Variants in FGF7 observed in about 807,000 individuals in gnomAD.
FGF7 encodes FGF-7.
FGF7 carries 6 observed loss-of-function variants against 20.5 expected under a neutral mutation model. The ratio of observed to expected loss-of-function variants is 0.29; its 90% CI spans 0.16 to 0.58. The LOEUF is 0.58. Among genes scored for constraint, FGF7 ranks in the 20% least tolerant of loss-of-function variants. FGF7 has a pLI of 0.90. For missense variants in FGF7, 144 were observed against 228.8 expected (o/e 0.63, Z 2.39); for synonymous variants, 64 against 74.7 (o/e 0.86, Z 0.74).
At chr15:49,436,954 T>C (rs748285351) in intron 2 of FGF7, among the ~76,000 whole-genome samples, 1 of 151,602 alleles carries the variant, frequency 6.6e-6, no homozygotes, top group Non-Finnish European at 1.5e-5. Context: ...TACTCCAAGT[T>C]TCCTTGTACA....
At chr15:49,424,904 C>T (rs1264975711) in intron 2 of FGF7, 2 of 171,402 alleles carry the variant, frequency 1.2e-5, no homozygotes, top group African/African-American at 4.7e-5. Flanking sequence ...ATTGTCTAAG[C>T]AAAACTCATT....
chr15:49,439,549 T>C (rs1255489072), intron 2 of FGF7, among the ~76,000 whole-genome samples: 1 of 151,706 alleles, frequency 6.6e-6, no homozygotes, highest in African/African-American at 2.4e-5. Context: ...TTTAGTCAAG[T>C]TGAAATTCTA....
chr15:49,436,362 G>A (rs1294660154), intron 2 of FGF7, among the ~76,000 whole-genome samples: 1 of 151,558 alleles, frequency 6.6e-6, no homozygotes, highest in Non-Finnish European at 1.5e-5. Flanking sequence ...ATATTAAGGA[G>A]CAAGAAGTTC....
At chr15:49,433,595 A>T (rs1410940569) in intron 2 of FGF7, among the ~76,000 whole-genome samples, 1 of 151,718 alleles carries the variant, frequency 6.6e-6, no homozygotes, top group African/African-American at 2.4e-5. Flanking sequence ...CTAAAAAAAA[A>T]TGGCCTCCAG....
At chr15:49,437,144 T>C (rs1456676908) in intron 2 of FGF7, among the ~76,000 whole-genome samples, 1 of 151,590 alleles carries the variant, frequency 6.6e-6, no homozygotes, top group Non-Finnish European at 1.5e-5. Flanking sequence ...GAATGCATAA[T>C]AATAATTATC....
intron 2 of FGF7, among the ~76,000 whole-genome samples, chr15:49,432,315 A>C (rs2050687635): frequency 6.6e-6 from 1 of 151,696 alleles, no homozygotes. Flanking sequence ...TGAGATATTA[A>C]GGCTGTTTCC....
At chr15:49,468,237 AT>A (rs1405008254) in intron 2 of FGF7, among the ~76,000 whole-genome samples, 6 of 152,146 alleles carry the variant, frequency 3.9e-5, no homozygotes, top group African/African-American at 1.4e-4. Context: ...TGTTTGATTT[AT>A]TCCCTAATAA....
chr15:49,447,866 A>T (rs1462233955), intron 2 of FGF7, among the ~76,000 whole-genome samples: 1 of 151,722 alleles, frequency 6.6e-6, no homozygotes, highest in African/African-American at 2.4e-5. Flanking sequence ...AATAAACAAT[A>T]GGTTTGACTT....
intron 2 of FGF7, among the ~76,000 whole-genome samples, chr15:49,457,749 T>G (rs1043850645): frequency 6.6e-6 from 1 of 151,904 alleles, no homozygotes; most frequent in Admixed American, 6.6e-5. Context: ...GAGGCTTTAT[T>G]TAGTATATTT....
chr15:49,463,136 G>A (rs1215974161), intron 2 of FGF7, among the ~76,000 whole-genome samples: 3 of 152,178 alleles, frequency 2.0e-5, no homozygotes, highest in Admixed American at 6.5e-5. Context: ...GCCTCCATCA[G>A]CTCCTGCTTA....
intron 2 of FGF7, among the ~76,000 whole-genome samples, chr15:49,479,003 T>G (rs1341830914): frequency 6.6e-6 from 1 of 152,198 alleles, no homozygotes; most frequent in Non-Finnish European, 1.5e-5. Context: ...TTTCCCATTT[T>G]TCATTCCAAG....
chr15:49,481,829 C>A (rs902656204), intron 2 of FGF7, among the ~76,000 whole-genome samples: 1 of 152,076 alleles, frequency 6.6e-6, no homozygotes, highest in Non-Finnish European at 1.5e-5. Context: ...CTCAACTGGA[C>A]GAGCTCTGAC....
At position 49,438,886 on chromosome 15, in the gene FGF7, GAA is replaced by G. The variant is rs1035899112; in HGVS notation, c.286+14308_286+14309del. On this transcript the variant is annotated intron_variant, in intron 2 of 3. Transcript: ENST00000267843. ...GAGAAGGAAAGATAAGAGAGAGGGA[GAA>G]AAAAGAGAGAGAAAAAGAGAGAGAG... 2.1e-4 allele frequency among the ~76,000 whole-genome samples: 31 copies of G among 151,068 alleles called. 1 individual carries two copies.
In FGF7 at chr15:49,436,659, G is replaced by C. The variant is rs551291300; in HGVS notation, c.286+12076G>C. On this transcript the variant is annotated intron_variant, in intron 2 of 3. Coordinates refer to ENST00000267843, the MANE Select transcript of FGF7 (RefSeq NM_002009.4). The stretch of plus-strand genomic sequence containing the variant: ...GGCAGACTTATGCTCATTTGCAGAT[G>C]GGGGAGATTTGGCTCACAGAATTAA... 3.3e-5 allele frequency among the ~76,000 whole-genome samples: 5 copies of C among 150,110 alleles called. No homozygotes were observed. In the East Asian group the frequency reaches 9.7e-4, roughly 29 times the overall value.
intron 2 of FGF7, among the ~76,000 whole-genome samples, chr15:49,449,362 T>C (rs1161607795): frequency 3.3e-5 from 5 of 152,134 alleles, no homozygotes; most frequent in Non-Finnish European, 5.9e-5. Context: ...ACAGTGATTT[T>C]AGTATATAAA....
intron 2 of FGF7, among the ~76,000 whole-genome samples, chr15:49,461,030 T>C (rs993863652): frequency 7.2e-5 from 11 of 152,186 alleles, no homozygotes; most frequent in Non-Finnish European, 1.0e-4. Context: ...AGCCTTCCCC[T>C]GAAAATACTA....
At chr15:49,469,103 A>C (rs2151956916) in intron 2 of FGF7, among the ~76,000 whole-genome samples, 1 of 152,346 alleles carries the variant, frequency 6.6e-6, no homozygotes, top group South Asian at 2.1e-4. Flanking sequence ...AAGAAAATAA[A>C]TGACTCATAA....
At chr15:49,453,212 T>A (rs1000028952) in intron 2 of FGF7, among the ~76,000 whole-genome samples, 5 of 152,094 alleles carry the variant, frequency 3.3e-5, no homozygotes, top group African/African-American at 1.2e-4. Flanking sequence ...ATGTTCTGTT[T>A]AATCTAATAC....
chr15:49,458,617 A>T (rs886930001), intron 2 of FGF7, among the ~76,000 whole-genome samples: 1 of 152,086 alleles, frequency 6.6e-6, no homozygotes, highest in Non-Finnish European at 1.5e-5. Flanking sequence ...AATCAGAGGG[A>T]ACTTTATGTT....
Sources: gnomAD v4.1 joint callset for allele counts (sites outside exome capture counted in the v4.1 genomes callset) on GRCh38, gnomAD v4.1.1 for gene constraint, MANE v1.5 for transcripts, NCBI Gene and HGNC (gene_info 2026-07-23, HGNC 2026-07-21) for gene names.